CSMD2: variants seen among roughly 807,000 people sequenced by gnomAD.
CSMD2 encodes the protein CUB and sushi domain-containing protein 2.
CSMD2 carries 130 observed loss-of-function variants against 398.5 expected under a neutral mutation model. The observed-to-expected ratio is 0.33, with a 90% CI of 0.28 to 0.38. The LOEUF is 0.38. Ranked by LOEUF, CSMD2 falls within the 10% of genes least tolerant of loss-of-function variation. The pLI is 1.00. For missense variants in CSMD2, 3,829 were observed against 4,764.9 expected (o/e 0.80, Z 5.78); for synonymous variants, 1,828 against 1,908.5 (o/e 0.96, Z 1.10).
intron 5 of CSMD2, among the ~76,000 whole-genome samples, chr1:33,889,475 A>G (rs770273103): frequency 1.6e-4 from 24 of 152,246 alleles, no homozygotes; most frequent in Non-Finnish European, 2.6e-4. Context: ...AGTACACTTT[A>G]GCAGAGTCTA....
chr1:33,587,019 T>C, intron 45 of CSMD2, 69 bp downstream of exon 45: 1 of 1,262,430 alleles, frequency 7.9e-7, no homozygotes, highest in Non-Finnish European at 1.1e-6. Flanking sequence ...GCCCGACAGC[T>C]CCCCCCGCCA....
chr1:34,153,405 A>T (rs1309923464), intron 1 of CSMD2, among the ~76,000 whole-genome samples: 1 of 152,240 alleles, frequency 6.6e-6, no homozygotes, highest in Non-Finnish European at 1.5e-5. Context: ...TTTAAAGCTG[A>T]AAGATTATCA....
rs148713404 is a variant in CSMD2, at chr1:34,087,391, T to C, written c.404+1586A>G. ...CAGGAACAGAAAACCAAACACTGCA[T>C]GTTCTCACTCATAAGTGGGAGTTGA... On this transcript the variant is annotated intron_variant, in intron 2 of 70. Coordinates refer to ENST00000373381, the MANE Select transcript of CSMD2 (RefSeq NM_001281956.2). Among the ~76,000 whole-genome samples the C allele has an allele frequency of 5.9e-3, 897 of 151,568 alleles. 9 individuals carry two copies. Among genetic ancestry groups the C allele is most frequent in the East Asian group, 0.052 (265 of 5,126 alleles).
chr1:33,672,855 C>A (rs992516183), intron 25 of CSMD2, among the ~76,000 whole-genome samples: 1 of 152,240 alleles, frequency 6.6e-6, no homozygotes, highest in African/African-American at 2.4e-5. Context: ...CAAACAGGGT[C>A]TGGAGTGGAC....
chr1:33,566,893 T>G (rs1001223494), intron 53 of CSMD2, among the ~76,000 whole-genome samples: 2 of 152,154 alleles, frequency 1.3e-5, no homozygotes, highest in African/African-American at 2.4e-5. Flanking sequence ...AAAGTAAGAA[T>G]GTAAAGGACA....
Position 33,879,061 on chromosome 1 carries a change from C to T in CSMD2, c.921-32065G>A, listed in dbSNP as rs375774497. On this transcript the variant is annotated intron_variant, in intron 5 of 70. Coordinates refer to ENST00000373381, the MANE Select transcript of CSMD2 (RefSeq NM_001281956.2). ...GACCAACACAATCAAAGAGTTCTCT[C>T]GGCTGGAGGTTCCAACTGGAATGTG... Among the ~76,000 whole-genome samples the T allele has an allele frequency of 6.6e-5, 10 of 152,312 alleles. No individual in the cohort carries two copies. In the South Asian group the frequency reaches 1.2e-3, roughly 19 times the overall value.
At chr1:33,849,981 C>T (rs908103779) in intron 5 of CSMD2, among the ~76,000 whole-genome samples, 2 of 152,086 alleles carry the variant, frequency 1.3e-5, no homozygotes, top group Admixed American at 1.3e-4. Flanking sequence ...TTTCCTTTTC[C>T]TGCCTCCTCC....
At chr1:33,922,181 A>G (rs997999238) in intron 4 of CSMD2, among the ~76,000 whole-genome samples, 1 of 152,270 alleles carries the variant, frequency 6.6e-6, no homozygotes, top group Non-Finnish European at 1.5e-5. Flanking sequence ...CTGGGATCCC[A>G]GAGACTGTGA....
chr1:33,518,149 C>T lies in CSMD2; in HGVS notation c.*53+1316G>A, dbSNP rs1279307601. Among the ~76,000 whole-genome samples the T allele has an allele frequency of 6.6e-6, 1 of 152,238 alleles. No homozygotes were observed. The highest frequency in any genetic ancestry group is 1.5e-5 in the Non-Finnish European group (1 of 68,040). Reference sequence around the variant, plus strand: ...TGTGACTCTTCTCCCCAGAGTCCTTCAGCACAGGACCTGAGAGGGGGCACC... The same window carrying T: ...TGTGACTCTTCTCCCCAGAGTCCTTTAGCACAGGACCTGAGAGGGGGCACC... On this transcript the variant is annotated intron_variant, in intron 70 of 70. Transcript: ENST00000373381. This position sits in a 1 kb window ranked among gnomAD's most constrained non-coding sequence, Gnocchi z 4.3.
chr1:33,575,671 G>A (rs1303109392), intron 49 of CSMD2, among the ~76,000 whole-genome samples: 1 of 152,110 alleles, frequency 6.6e-6, no homozygotes, highest in Admixed American at 6.6e-5. Context: ...GGCTTAGTAG[G>A]TTCCAACTGG....
chr1:33,912,618 C>A (rs1474984445), intron 5 of CSMD2, among the ~76,000 whole-genome samples: 1 of 152,074 alleles, frequency 6.6e-6, no homozygotes, highest in Non-Finnish European at 1.5e-5. Context: ...GGGGCACAAG[C>A]AGAGATGCCC....
chr1:34,137,502 C>A (rs1195230632), intron 1 of CSMD2, among the ~76,000 whole-genome samples: 1 of 152,156 alleles, frequency 6.6e-6, no homozygotes, highest in Non-Finnish European at 1.5e-5. Flanking sequence ...CTCAAAACTA[C>A]CCTGTAACCT....
chr1:33,663,161 G>A, intron 25 of CSMD2, 69 bp from the exon 26 acceptor site: 1 of 1,356,800 alleles, frequency 7.4e-7, no homozygotes, highest in South Asian at 1.2e-5. Flanking sequence ...TGGTCAGAAG[G>A]TCCTAAACCT....
chr1:33,637,584 T>G (rs2148921034), intron 29 of CSMD2, among the ~76,000 whole-genome samples: 1 of 152,276 alleles, frequency 6.6e-6, no homozygotes, highest in African/African-American at 2.4e-5. Context: ...TTACCTTTCC[T>G]CCGTCCTCCT....
intron 1 of CSMD2, among the ~76,000 whole-genome samples, chr1:34,147,743 G>C (rs151242908): frequency 6.6e-6 from 1 of 152,064 alleles, no homozygotes; most frequent in Non-Finnish European, 1.5e-5. Flanking sequence ...GGAGGAGTTA[G>C]AGAAATGGGG....
At chr1:34,047,667 ATAGT>A (rs1652686224) in intron 2 of CSMD2, among the ~76,000 whole-genome samples, 1 of 152,170 alleles carries the variant, frequency 6.6e-6, no homozygotes, top group African/African-American at 2.4e-5. Flanking sequence ...ATAATGCAAT[ATAGT>A]AAGTGCAGTG....
chr1:33,783,378 C>A (rs750980651), intron 12 of CSMD2, among the ~76,000 whole-genome samples: 1 of 151,580 alleles, frequency 6.6e-6, no homozygotes, highest in South Asian at 2.1e-4. Flanking sequence ...GGCAGGGCCC[C>A]GATCTGAGAG....
At chr1:33,651,364 G>GA (rs1399637798) in intron 28 of CSMD2, among the ~76,000 whole-genome samples, 1 of 152,178 alleles carries the variant, frequency 6.6e-6, no homozygotes, top group Non-Finnish European at 1.5e-5. Context: ...TTCTGGGGGA[G>GA]AAAAAATATG....
chr1:33,621,492 C>T (rs1641768422), intron 37 of CSMD2, among the ~76,000 whole-genome samples: 1 of 152,192 alleles, frequency 6.6e-6, no homozygotes, highest in South Asian at 2.1e-4. Context: ...CAAAACCCAG[C>T]ACAGTGCCTG....
Sources: allele counts gnomAD v4.1 joint callset (sites outside exome capture counted in the v4.1 genomes callset), GRCh38; gene constraint gnomAD v4.1.1; non-coding constraint Gnocchi (gnomAD v3.1); transcripts MANE v1.5; gene names NCBI Gene and HGNC (gene_info 2026-07-23, HGNC 2026-07-21).